The following PPARGC1A variants were observed in gnomAD, a reference collection of about 807,000 sequenced individuals.
The protein encoded by PPARGC1A is peroxisome proliferator-activated receptor gamma coactivator 1-alpha.
PPARGC1A carries 25 observed loss-of-function variants against 88.7 expected under a neutral mutation model. The ratio of observed to expected loss-of-function variants is 0.28; its 90% CI spans 0.21 to 0.39. The LOEUF is 0.39. PPARGC1A is among the 10% of genes least tolerant of loss of function. PPARGC1A has a pLI of 1.00. For missense variants in PPARGC1A, 880 were observed against 968.7 expected (o/e 0.91, Z 1.22); for synonymous variants, 363 against 355.6 (o/e 1.02, Z -0.24).
the PPARGC1A span, among the ~76,000 whole-genome samples, chr4:24,336,349 T>G: frequency 3.3e-5 from 5 of 152,318 alleles, no homozygotes; most frequent in African/African-American, 1.2e-4. Flanking sequence ...TCCTAAAATG[T>G]ACCCTAAAAA....
At chr4:24,299,327 C>T in the PPARGC1A span, among the ~76,000 whole-genome samples, 6 of 151,904 alleles carry the variant, frequency 3.9e-5, no homozygotes, top group Non-Finnish European at 5.9e-5. Flanking sequence ...CCATAGTTTC[C>T]GGTTTAATAA....
chr4:23,900,999 T>C (rs1719269136), upstream of PPARGC1A, among the ~76,000 whole-genome samples: 1 of 152,108 alleles, frequency 6.6e-6, no homozygotes, highest in Non-Finnish European at 1.5e-5. Flanking sequence ...CTGACGTGGG[T>C]AGATCTGGTG....
At chr4:24,413,971 T>A in the PPARGC1A span, among the ~76,000 whole-genome samples, 676 of 152,220 alleles carry the variant, frequency 4.4e-3, 4 homozygotes, top group African/African-American at 0.016. Flanking sequence ...TTTTGAGAAG[T>A]CAAATGACAA....
At chr4:23,860,365 C>A (rs1731031425) in intron 2 of PPARGC1A, among the ~76,000 whole-genome samples, 1 of 151,850 alleles carries the variant, frequency 6.6e-6, no homozygotes, top group African/African-American at 2.4e-5. Context: ...GTACAAATTG[C>A]AATTATGTGG....
chr4:24,454,608 C>A, the PPARGC1A span, among the ~76,000 whole-genome samples: 1 of 151,954 alleles, frequency 6.6e-6, no homozygotes, highest in Non-Finnish European at 1.5e-5. Context: ...TGTGGTGGTG[C>A]ATGCCTATAG....
chr4:24,125,318 T>C, the PPARGC1A span, among the ~76,000 whole-genome samples: 1 of 152,176 alleles, frequency 6.6e-6, no homozygotes, highest in African/African-American at 2.4e-5. Context: ...AAATTCATTT[T>C]TGTCACAGTG....
At chr4:24,145,356 C>T in the PPARGC1A span, among the ~76,000 whole-genome samples, 1 of 152,114 alleles carries the variant, frequency 6.6e-6, no homozygotes, top group African/African-American at 2.4e-5. Flanking sequence ...GTAGATAGTG[C>T]CATATGACCA....
chr4:24,122,434 TATAGAGAG>T, the PPARGC1A span, among the ~76,000 whole-genome samples: 8 of 130,110 alleles, frequency 6.1e-5, no homozygotes, highest in Non-Finnish European at 9.9e-5. Context: ...TATATATATA[TATAGAGAG>T]AGAGAGAGAG....
At chr4:24,066,259 G>A in the PPARGC1A span, among the ~76,000 whole-genome samples, 2 of 152,006 alleles carry the variant, frequency 1.3e-5, no homozygotes, top group Admixed American at 6.6e-5. Context: ...ACTGAAAATC[G>A]CCTTCCACAA....
At chr4:23,881,689 A>G (rs1715970891) in intron 2 of PPARGC1A, 1 of 152,204 alleles carries the variant, frequency 6.6e-6, no homozygotes, top group African/African-American at 2.4e-5. Context: ...TTAACTACTC[A>G]GTGCCTGATT....
chr4:24,190,385 G>T, the PPARGC1A span, among the ~76,000 whole-genome samples: 1 of 151,966 alleles, frequency 6.6e-6, no homozygotes, highest in Non-Finnish European at 1.5e-5. Flanking sequence ...CATGGTGGCG[G>T]GTGCCTGTAG....
chr4:23,815,919 C>T (rs897699415), intron 7 of PPARGC1A, among the ~76,000 whole-genome samples: 2 of 152,096 alleles, frequency 1.3e-5, no homozygotes, highest in Admixed American at 1.3e-4. Flanking sequence ...CAGACATACA[C>T]AACACACATA....
At chr4:24,175,031 T>A in the PPARGC1A span, among the ~76,000 whole-genome samples, 1 of 152,192 alleles carries the variant, frequency 6.6e-6, no homozygotes, top group Non-Finnish European at 1.5e-5. Flanking sequence ...CGGGGCCTAG[T>A]GTATAACTTT....
At chr4:23,889,720 C>A (rs1228039526) in intron 1 of PPARGC1A, among the ~76,000 whole-genome samples, 184 bp downstream of exon 1, 1 of 152,160 alleles carries the variant, frequency 6.6e-6, no homozygotes, top group Non-Finnish European at 1.5e-5. Context: ...CAAGCCATCT[C>A]AGAGCCACCT....
the PPARGC1A span, among the ~76,000 whole-genome samples, chr4:24,251,414 A>T: frequency 5.3e-5 from 8 of 152,230 alleles, no homozygotes; most frequent in African/African-American, 1.7e-4. Flanking sequence ...TATGCACAAA[A>T]GCATAAATCA....
At chr4:24,018,800 T>C in the PPARGC1A span, among the ~76,000 whole-genome samples, 1 of 152,134 alleles carries the variant, frequency 6.6e-6, no homozygotes, top group African/African-American at 2.4e-5. Context: ...ATCTCCCCCA[T>C]TTCCCCCACC....
At chr4:24,369,253 A>G in the PPARGC1A span, among the ~76,000 whole-genome samples, 1 of 152,186 alleles carries the variant, frequency 6.6e-6, no homozygotes, top group Non-Finnish European at 1.5e-5. Context: ...CATAGCTAAG[A>G]AGCCATCACA....
At chr4:23,829,667 A>G (rs1724652413) in intron 3 of PPARGC1A, 82 bp from the exon 4 acceptor site, 3 of 1,294,428 alleles carry the variant, frequency 2.3e-6, no homozygotes, top group Middle Eastern at 2.0e-4. Context: ...GAAATTTTAA[A>G]TGTAATTTAT....
chr4:23,825,442 G>C (rs1292666970), intron 5 of PPARGC1A, among the ~76,000 whole-genome samples: 1 of 151,978 alleles, frequency 6.6e-6, no homozygotes, highest in Admixed American at 6.6e-5. Context: ...GAAAATCATA[G>C]TGTCAAAACC....
Sources: allele counts gnomAD v4.1 joint callset (sites outside exome capture counted in the v4.1 genomes callset), GRCh38; gene constraint gnomAD v4.1.1; transcripts MANE v1.5; gene names NCBI Gene and HGNC (gene_info 2026-07-23, HGNC 2026-07-21).